The following CSGALNACT1 variants were observed in gnomAD, a reference collection of about 807,000 sequenced individuals.
CSGALNACT1 encodes chondroitin sulfate N-acetylgalactosaminyltransferase 1, also known as beta4GalNAcT-1.
A neutral mutation model predicts 51.0 loss-of-function variants in CSGALNACT1; 52 were observed. The observed-to-expected ratio is 1.02, with a 90% CI of 0.82 to 1.29. CSGALNACT1 has a LOEUF of 1.29. CSGALNACT1 is among the 50% of genes most tolerant of loss of function. The probability of loss-of-function intolerance (pLI) is 0.00; values close to 1 mark genes in which losing one functional copy is unlikely to be tolerated. For missense variants in CSGALNACT1, 935 were observed against 679.2 expected, an observed-to-expected ratio of 1.38 and a Z score of -4.19; for synonymous variants, 341 against 254.4, an observed-to-expected ratio of 1.34 and a Z score of -3.24.
chr8:19,457,612 CA>C (rs768282510), intron 5 of CSGALNACT1: 368 of 1,196,506 alleles, frequency 3.1e-4, no homozygotes, highest in East Asian at 8.0e-4. Context: ...GACTCCATCT[CA>C]AAAAAAAAGA....
At chr8:19,464,534 C>T (rs974195528) in intron 4 of CSGALNACT1, among the ~76,000 whole-genome samples, 2 of 152,074 alleles carry the variant, frequency 1.3e-5, no homozygotes, top group African/African-American at 4.8e-5. Flanking sequence ...ACTACTGATT[C>T]CAGGGGTCCC....
chr8:19,480,475 C>G (rs1232984405), intron 4 of CSGALNACT1, among the ~76,000 whole-genome samples: 2 of 152,156 alleles, frequency 1.3e-5, no homozygotes, highest in Admixed American at 1.3e-4. Context: ...GCATAGTACG[C>G]CATGGTATGT....
intron 1 of CSGALNACT1, among the ~76,000 whole-genome samples, chr8:19,653,444 C>T (rs1179701594): frequency 6.6e-6 from 1 of 152,128 alleles, no homozygotes; most frequent in African/African-American, 2.4e-5. Flanking sequence ...ACCCTGCACC[C>T]TCATCCAATC....
intron 4 of CSGALNACT1, among the ~76,000 whole-genome samples, chr8:19,465,916 T>C (rs1202742909): frequency 6.6e-6 from 1 of 152,090 alleles, no homozygotes; most frequent in Non-Finnish European, 1.5e-5. Flanking sequence ...ACTCAGCACA[T>C]AGAAAAGAAT....
chr8:19,667,123 C>T (rs1346865517), intron 1 of CSGALNACT1, among the ~76,000 whole-genome samples: 2 of 149,702 alleles, frequency 1.3e-5, no homozygotes, highest in African/African-American at 4.9e-5. Flanking sequence ...ATCACAATAT[C>T]AAAAGACATA....
intron 1 of CSGALNACT1, among the ~76,000 whole-genome samples, chr8:19,692,473 G>C (rs2061382916): frequency 6.6e-6 from 1 of 152,186 alleles, no homozygotes; most frequent in Non-Finnish European, 1.5e-5. Context: ...CTCATGGTAA[G>C]GGAGATAGAT....
intron 3 of CSGALNACT1, among the ~76,000 whole-genome samples, chr8:19,507,139 C>T (rs1206038501): frequency 6.6e-6 from 1 of 152,090 alleles, no homozygotes; most frequent in Non-Finnish European, 1.5e-5. Context: ...GACAATGGTT[C>T]CAGCTAACTC....
At chr8:19,525,583 T>C (rs934260164) in intron 3 of CSGALNACT1, among the ~76,000 whole-genome samples, 4 of 117,366 alleles carry the variant, frequency 3.4e-5, no homozygotes, top group African/African-American at 1.3e-4. Flanking sequence ...TGCCACTGCA[T>C]GCCAGTCTGG....
At chr8:19,713,388 A>G (rs2062622223) in intron 1 of CSGALNACT1, among the ~76,000 whole-genome samples, 1 of 152,230 alleles carries the variant, frequency 6.6e-6, no homozygotes, top group Non-Finnish European at 1.5e-5. Context: ...AAAATTGTAT[A>G]AAGAGGGATG....
rs968882461 is a variant in CSGALNACT1 at position 19,420,234 on chromosome 8, G to A, written c.1132+106C>T. 2.9e-6 allele frequency: 3 copies of A among 1,036,956 alleles called. No homozygotes were observed. The East Asian group carries it at 7.1e-5, about 25-fold the overall frequency. The allele number at this position is 1,036,956 out of a possible 1,614,324, so 64.2% of individuals were successfully genotyped here. A position where few individuals can be genotyped will look rare whatever the true frequency, so the allele number is the denominator to read the frequency against. Reference sequence around the variant, plus strand: ...TTTCTTTGCTATTGAAGTAAAACAGGCTGATTCAGAAGCAGGACATCAGAG... The same window carrying A: ...TTTCTTTGCTATTGAAGTAAAACAGACTGATTCAGAAGCAGGACATCAGAG... On this transcript the variant is annotated intron_variant, in intron 7 of 9. Coordinates refer to ENST00000454498, the Ensembl canonical transcript of CSGALNACT1.
At chr8:19,669,593 T>G (rs1176930879) in intron 1 of CSGALNACT1, among the ~76,000 whole-genome samples, 1 of 152,100 alleles carries the variant, frequency 6.6e-6, no homozygotes, top group Non-Finnish European at 1.5e-5. Flanking sequence ...CTGGGATTAA[T>G]AGGTGCCTGC....
intron 1 of CSGALNACT1, among the ~76,000 whole-genome samples, chr8:19,689,732 C>A (rs1721232243): frequency 6.6e-6 from 1 of 152,152 alleles, no homozygotes; most frequent in Non-Finnish European, 1.5e-5. Flanking sequence ...ATCACCAAAC[C>A]AAAACTAAGC....
chr8:19,453,927 T>TAGGG (rs1010537341), intron 5 of CSGALNACT1, among the ~76,000 whole-genome samples: 135 of 144,796 alleles, frequency 9.3e-4, no homozygotes, highest in African/African-American at 2.9e-3. Flanking sequence ...AGAAGGAAGG[T>TAGGG]AGGGAGGGAG....
intron 6 of CSGALNACT1, among the ~76,000 whole-genome samples, chr8:19,432,059 A>T (rs549792978): frequency 1.3e-5 from 2 of 152,120 alleles, no homozygotes; most frequent in Non-Finnish European, 2.9e-5. Flanking sequence ...TAGTTACTTC[A>T]CTGGCAATCT....
At chr8:19,514,974 T>C (rs1266623937) in intron 3 of CSGALNACT1, among the ~76,000 whole-genome samples, 3 of 152,234 alleles carry the variant, frequency 2.0e-5, no homozygotes, top group Non-Finnish European at 4.4e-5. Context: ...AGCCCACAGA[T>C]ACCTAGCTCC....
intron 1 of CSGALNACT1, among the ~76,000 whole-genome samples, chr8:19,699,142 G>A (rs532171545): frequency 6.6e-6 from 1 of 152,236 alleles, no homozygotes; most frequent in East Asian, 1.9e-4. Flanking sequence ...CCCATGCTGG[G>A]ACTACAGGCA....
rs1403685739 is a variant in CSGALNACT1 at position 19,757,544 on chromosome 8, C to A, written c.-297+306G>T. Among the ~76,000 whole-genome samples the A allele has an allele frequency of 6.6e-6, 1 of 152,128 alleles. No individual in the cohort carries two copies. ...TGTCACTCTCGGAAGGGGCCGCGCT[C>A]GGACACCAGGGGCGGTTTACGCGTG... On this transcript the variant is annotated intron_variant, in intron 1 of 1. Coordinates refer to the CSGALNACT1 transcript ENST00000517494. This position sits in a 1 kb window ranked among gnomAD's most constrained non-coding sequence, Gnocchi z 4.0.
At chr8:19,433,686 G>A (rs1362181074) in intron 6 of CSGALNACT1, among the ~76,000 whole-genome samples, 1 of 152,200 alleles carries the variant, frequency 6.6e-6, no homozygotes, top group Non-Finnish European at 1.5e-5. Flanking sequence ...CTCTCTGGTT[G>A]TGATGTTTTA....
intron 8 of CSGALNACT1, among the ~76,000 whole-genome samples, chr8:19,413,803 G>A (rs902457456): frequency 2.0e-5 from 3 of 152,184 alleles, no homozygotes; most frequent in Non-Finnish European, 4.4e-5. Context: ...CATTAGAAAT[G>A]ATAAGGAGGT....
Sources: allele counts gnomAD v4.1 joint callset (sites outside exome capture counted in the v4.1 genomes callset), GRCh38; gene constraint gnomAD v4.1.1; non-coding constraint Gnocchi (gnomAD v3.1); transcripts MANE v1.5; gene names NCBI Gene and HGNC (gene_info 2026-07-23, HGNC 2026-07-21).